The following ANKFN1 variants were observed in gnomAD, a reference collection of about 807,000 sequenced individuals.
ANKFN1 encodes ankyrin repeat and fibronectin type-III domain-containing protein 1.
Under a neutral mutation model 108.7 loss-of-function variants are expected in ANKFN1, and 74 were observed. That is an observed-to-expected ratio of 0.68 (90% CI 0.56 to 0.83). The LOEUF is 0.83. Ranked by LOEUF, ANKFN1 falls within the 40% of genes least tolerant of loss-of-function variation. The pLI, the probability that ANKFN1 is intolerant of heterozygous loss-of-function variation, is 0.00. For missense variants in ANKFN1, 1,505 were observed against 1,382.3 expected, an observed-to-expected ratio of 1.09 and a Z score of -1.41; for synonymous variants, 547 against 516.2, an observed-to-expected ratio of 1.06 and a Z score of -0.81.
At chr17:56,240,381 T>G (rs1917490589) in intron 3 of ANKFN1, among the ~76,000 whole-genome samples, 1 of 152,146 alleles carries the variant, frequency 6.6e-6, no homozygotes, top group Non-Finnish European at 1.5e-5. Context: ...GATTTGCTAT[T>G]TTATCTCTAG....
At chr17:56,055,469 T>C (rs1031448014) in intron 4 of ANKFN1, among the ~76,000 whole-genome samples, 1 of 147,906 alleles carries the variant, frequency 6.8e-6, no homozygotes, top group African/African-American at 2.5e-5. Flanking sequence ...ATTATTCCAT[T>C]ATGTCTGTGT....
At chr17:56,253,250 C>T (rs2043278742) in intron 3 of ANKFN1, among the ~76,000 whole-genome samples, 1 of 152,118 alleles carries the variant, frequency 6.6e-6, no homozygotes. Flanking sequence ...TTTTGGTTGG[C>T]ATCAAATCAA....
chr17:56,216,871 G>T (rs138058745), intron 2 of ANKFN1, among the ~76,000 whole-genome samples: 121 of 152,276 alleles, frequency 7.9e-4, no homozygotes, highest in African/African-American at 2.7e-3. Flanking sequence ...GGATAATTAA[G>T]CTTACTGGGA....
intron 4 of ANKFN1, among the ~76,000 whole-genome samples, chr17:56,141,923 CTTTTTT>C (rs34394014): frequency 6.3e-5 from 6 of 95,670 alleles, no homozygotes; most frequent in East Asian, 5.8e-4. Flanking sequence ...CGATGGTGTA[CTTTTTT>C]TTTTTTTTTT....
rs1474266883 is a variant in ANKFN1, at chr17:56,510,546, C to T, written c.2718C>T (p.Ser906=). ...FLPTNSDYDS[S]DALSPRDLDL... ...CCACCAACAGTGACTACGACTCCAGCGATGCCCTGAGCCCCAGAGACCTGG... is the reference window on the plus strand; with the variant it reads ...CCACCAACAGTGACTACGACTCCAGTGATGCCCTGAGCCCCAGAGACCTGG... Residue 906 remains serine, a synonymous_variant, in exon 21 of 21, where the codon AGC becomes AGT. Transcript: ENST00000682825. The T allele has an allele frequency of 3.9e-6, 6 of 1,536,178 alleles. No individual in the cohort carries two copies. Among genetic ancestry groups the T allele is most frequent in the African/African-American group, 2.7e-5 (2 of 73,188 alleles).
chr17:56,285,227 A>C (rs2044184681), intron 3 of ANKFN1, among the ~76,000 whole-genome samples: 1 of 151,820 alleles, frequency 6.6e-6, no homozygotes, highest in Non-Finnish European at 1.5e-5. Flanking sequence ...TTGCAGACAA[A>C]CTCCTAGTCT....
At chr17:56,474,276 T>C (rs2050425083) in intron 15 of ANKFN1, among the ~76,000 whole-genome samples, 1 of 152,216 alleles carries the variant, frequency 6.6e-6, no homozygotes, top group Admixed American at 6.5e-5. Flanking sequence ...GATATTCAGC[T>C]TGTTAAAAGC....
intron 6 of ANKFN1, among the ~76,000 whole-genome samples, chr17:56,361,194 T>C (rs2046507383): frequency 6.6e-6 from 1 of 152,130 alleles, no homozygotes; most frequent in Non-Finnish European, 1.5e-5. Flanking sequence ...TAAATATACA[T>C]GCAACATAGA....
At position 56,477,624 on chromosome 17, in the gene ANKFN1, T is replaced by C; in HGVS notation, c.1910T>C (p.Val637Ala). Residue 637 changes from valine to alanine, a missense_variant, in exon 16 of 21, where the codon GTG becomes GCG. Physicochemically the swap from Val to Ala is moderately conservative, Grantham distance 64 (BLOSUM62 0). Coordinates refer to ENST00000682825, the MANE Select transcript of ANKFN1 (RefSeq NM_001370326.1). The stretch of plus-strand genomic sequence containing the variant: ...AAGTTGCCCAACATTCTCTGCCACG[T>C]GAAGATCCGTGAAAACAATAATATT... The part of the protein sequence containing the change: ...TQKLPNILCH[V>A]KIRENNNISR... 6.2e-7 allele frequency: 1 copy of C among 1,612,984 alleles called. No individual in the cohort carries two copies. The highest frequency in any genetic ancestry group is 8.5e-7 in the Non-Finnish European group (1 of 1,179,674).
intron 15 of ANKFN1, among the ~76,000 whole-genome samples, chr17:56,470,044 T>C (rs1341220352): frequency 6.6e-6 from 1 of 152,174 alleles, no homozygotes; most frequent in African/African-American, 2.4e-5. Flanking sequence ...TAGTGTTTGG[T>C]TTTCTGTTCC....
intron 4 of ANKFN1, among the ~76,000 whole-genome samples, chr17:56,071,258 C>T (rs779364017): frequency 2.6e-5 from 4 of 152,188 alleles, no homozygotes; most frequent in Non-Finnish European, 5.9e-5. Flanking sequence ...GTTTTGCTCT[C>T]ATTGCAAAAA....
intron 8 of ANKFN1, among the ~76,000 whole-genome samples, chr17:56,394,492 A>T (rs1487150834): frequency 6.6e-6 from 1 of 152,144 alleles, no homozygotes; most frequent in Non-Finnish European, 1.5e-5. Context: ...CCTGGGGAAA[A>T]GTCAGCCTGC....
chr17:56,158,509 C>T lies in ANKFN1; in HGVS notation c.-71+4979C>T, dbSNP rs938834364. Among the ~76,000 whole-genome samples the T allele has an allele frequency of 3.3e-5, 5 of 152,182 alleles. 1 individual carries two copies. The highest frequency in any genetic ancestry group is 7.3e-5 in the Non-Finnish European group (5 of 68,042). On this transcript the variant is annotated intron_variant, in intron 1 of 20. Transcript: ENST00000682825. ...CACTGCTGCCTGTTATCAGTGCTAG[C>T]AGCCTTCATTAAGCCACTGGGGGCT...
chr17:56,305,673 T>C (rs935409390), intron 3 of ANKFN1, among the ~76,000 whole-genome samples: 1 of 152,224 alleles, frequency 6.6e-6, no homozygotes, highest in East Asian at 1.9e-4. Context: ...CATTTTTTAA[T>C]GTTATGGATG....
intron 3 of ANKFN1, among the ~76,000 whole-genome samples, chr17:56,306,524 C>T (rs4794633): frequency 0.11 from 16,518 of 152,102 alleles, 959 homozygotes; most frequent in African/African-American, 0.16. Context: ...TTACAAGGGA[C>T]GTGAAGGACC....
At chr17:56,066,537 A>G (rs1020287590) in intron 4 of ANKFN1, among the ~76,000 whole-genome samples, 18 of 152,224 alleles carry the variant, frequency 1.2e-4, no homozygotes, top group South Asian at 2.1e-4. Flanking sequence ...TAGATAAAAT[A>G]TATTATTAAA....
intron 3 of ANKFN1, among the ~76,000 whole-genome samples, chr17:56,325,791 A>T (rs973975604): frequency 1.3e-5 from 2 of 152,208 alleles, no homozygotes; most frequent in Non-Finnish European, 2.9e-5. Context: ...AGGGCTGTAG[A>T]TCATTTGCAC....
chr17:56,405,449 A>T (rs1290952488), intron 8 of ANKFN1, among the ~76,000 whole-genome samples: 1 of 152,160 alleles, frequency 6.6e-6, no homozygotes, highest in Non-Finnish European at 1.5e-5. Flanking sequence ...AGTGTAAATT[A>T]TTGTCACCCT....
At chr17:56,485,118 C>T (rs998124967) in intron 18 of ANKFN1, among the ~76,000 whole-genome samples, 1 of 152,108 alleles carries the variant, frequency 6.6e-6, no homozygotes, top group African/African-American at 2.4e-5. Flanking sequence ...ATTGAGTAAC[C>T]TACTATGTGC....
Sources: gnomAD v4.1 joint callset for allele counts (sites outside exome capture counted in the v4.1 genomes callset) on GRCh38, gnomAD v4.1.1 for gene constraint, MANE v1.5 for transcripts, NCBI Gene and HGNC (gene_info 2026-07-23, HGNC 2026-07-21) for gene names.